Variants in SORL1 observed in about 807,000 individuals in gnomAD.
SORL1 encodes sortilin related receptor 1, also known as sortilin-related receptor.
A neutral mutation model predicts 273.7 loss-of-function variants in SORL1; 127 were observed. That is an observed-to-expected ratio of 0.46 (90% confidence interval 0.40 to 0.54). The LOEUF (loss-of-function observed/expected upper bound fraction) is 0.54, where lower values mean the gene tolerates loss of function less well. Among genes scored for constraint, SORL1 ranks in the 20% least tolerant of loss-of-function variants. The pLI is 0.00. For synonymous variants in SORL1, 1,031 were observed against 1,067.4 expected, an observed-to-expected ratio of 0.97 and a Z score of 0.66; for missense variants, 2,494 against 2,846.1, an observed-to-expected ratio of 0.88 and a Z score of 2.81.
chr11:121,543,071 G>T (rs184688558), intron 12 of SORL1, among the ~76,000 whole-genome samples: 2 of 149,872 alleles, frequency 1.3e-5, no homozygotes, highest in Non-Finnish European at 3.0e-5. Flanking sequence ...GGCACCTATA[G>T]TCCCAGCTAC....
chr11:121,624,003 C>T (rs1863759514), intron 45 of SORL1, among the ~76,000 whole-genome samples: 1 of 152,176 alleles, frequency 6.6e-6, no homozygotes. Flanking sequence ...TACATGGCGG[C>T]AGACAAAGAG....
intron 11 of SORL1, among the ~76,000 whole-genome samples, chr11:121,529,545 C>T (rs185595274): frequency 1.6e-4 from 25 of 152,140 alleles, no homozygotes; most frequent in African/African-American, 3.6e-4. Context: ...AACATCCATT[C>T]GCTTTCAACC....
At chr11:121,624,723 T>C (rs537559227) in intron 45 of SORL1, among the ~76,000 whole-genome samples, 1 of 152,360 alleles carries the variant, frequency 6.6e-6, no homozygotes, top group East Asian at 1.9e-4. Flanking sequence ...AATTCCATTA[T>C]GGCAAACTGT....
chr11:121,619,052 C>G (rs537692040), intron 42 of SORL1, among the ~76,000 whole-genome samples, 159 bp downstream of exon 42: 1 of 152,266 alleles, frequency 6.6e-6, no homozygotes, highest in East Asian at 1.9e-4. Context: ...CAGGTTCTTG[C>G]TTGAAATACA....
intron 46 of SORL1, among the ~76,000 whole-genome samples, chr11:121,625,702 C>T (rs766780865): frequency 6.6e-6 from 1 of 152,064 alleles, no homozygotes; most frequent in Non-Finnish European, 1.5e-5. Flanking sequence ...ACACCTCTGC[C>T]CCGCCCCGGC....
At chr11:121,553,884 C>A (rs1448662444) in intron 16 of SORL1, 53 bp from the exon 17 acceptor site, 73 of 1,552,276 alleles carry the variant, frequency 4.7e-5, no homozygotes, top group Non-Finnish European at 5.9e-5. Context: ...TGTGCTAGGA[C>A]CTCTTCAGCA....
At chr11:121,600,818 T>G (rs1863377083) in intron 32 of SORL1, among the ~76,000 whole-genome samples, 1 of 152,266 alleles carries the variant, frequency 6.6e-6, no homozygotes, top group African/African-American at 2.4e-5. Flanking sequence ...AATCATCGGT[T>G]AATTATCAGT....
chr11:121,487,356 C>T (rs774977133), intron 3 of SORL1, among the ~76,000 whole-genome samples: 2 of 152,204 alleles, frequency 1.3e-5, no homozygotes, highest in Non-Finnish European at 2.9e-5. Flanking sequence ...TCAGCCGCAG[C>T]CACTATCCAG....
At chr11:121,615,527 CT>C (rs1331288180) in intron 41 of SORL1, among the ~76,000 whole-genome samples, 1 of 152,090 alleles carries the variant, frequency 6.6e-6, no homozygotes, top group Non-Finnish European at 1.5e-5. Flanking sequence ...TAATTTTTGT[CT>C]GTTACTCTTA....
chr11:121,524,200 G>A lies in SORL1; in HGVS notation c.1596+1211G>A, dbSNP rs143615262. On this transcript the variant is annotated intron_variant, in intron 11 of 47. Coordinates refer to ENST00000260197, the MANE Select transcript of SORL1 (RefSeq NM_003105.6). ...GATTAAGCAGCTGCTTTCCCCTTTC[G>A]TGGAGCTGGACGCTCCCTTTGAAAT... is the stretch of plus-strand genomic sequence containing the variant. Among the ~76,000 whole-genome samples the A allele has an allele frequency of 1.6e-3, 251 of 152,370 alleles. 1 individual carries two copies. Among genetic ancestry groups the A allele is most frequent in the African/African-American group, 5.9e-3 (245 of 41,586 alleles).
At chr11:121,558,558 A>G in intron 19 of SORL1, 33 bp from the exon 20 acceptor site, 1 of 1,611,586 alleles carries the variant, frequency 6.2e-7, no homozygotes, top group Non-Finnish European at 8.5e-7. Flanking sequence ...TCTAGTATTG[A>G]TGAGGTATGT....
chr11:121,594,182 C>T (rs1181172845), intron 31 of SORL1, among the ~76,000 whole-genome samples: 1 of 151,938 alleles, frequency 6.6e-6, no homozygotes, highest in Non-Finnish European at 1.5e-5. Context: ...CCCTTTGGCA[C>T]CAGTGTTTTA....
intron 6 of SORL1, among the ~76,000 whole-genome samples, chr11:121,510,276 A>G (rs1490393705): frequency 5.3e-5 from 8 of 152,224 alleles, no homozygotes. Context: ...GTTTAGAACT[A>G]TATTAGGTTG....
At chr11:121,514,090 A>G (rs1861916792) in intron 7 of SORL1, 62 bp from the exon 8 acceptor site, 1 of 1,533,162 alleles carries the variant, frequency 6.5e-7, no homozygotes, top group Non-Finnish European at 8.9e-7. Flanking sequence ...CCGTGTGTAT[A>G]GTAAAAGCCC....
intron 6 of SORL1, among the ~76,000 whole-genome samples, chr11:121,510,282 G>C (rs995999928): frequency 1.3e-5 from 2 of 152,202 alleles, no homozygotes; most frequent in Non-Finnish European, 2.9e-5. Context: ...AACTATATTA[G>C]GTTGCTGGTA....
rs769420059 is a variant in SORL1 at position 121,478,138 on chromosome 11, T to C, written c.423T>C (p.Tyr141=). The part of the protein sequence containing the change: ...KSSDVYVSYD[Y]GKSFKKISDK... Reference sequence around the variant, plus strand: ...TCCAGGTGTACGTGTCTTACGACTATGGAAAATCATTCAAGAAAATTTCAG... The same window carrying C: ...TCCAGGTGTACGTGTCTTACGACTACGGAAAATCATTCAAGAAAATTTCAG... The change falls in exon 3 of 48, where the codon TAT becomes TAC. Residue 141 remains tyrosine, a synonymous_variant. Transcript: ENST00000260197. 3.7e-6 allele frequency: 6 copies of C among 1,613,966 alleles called. No individual in the cohort carries two copies. The highest frequency in any genetic ancestry group is 1.7e-5 in the Admixed American group (1 of 60,018).
chr11:121,528,059 A>T (rs1862148039), intron 11 of SORL1, among the ~76,000 whole-genome samples: 1 of 151,972 alleles, frequency 6.6e-6, no homozygotes, highest in African/African-American at 2.4e-5. Flanking sequence ...TTCTTTTCTA[A>T]TGTAAGCATT....
rs534660954 is a variant in SORL1, at chr11:121,508,247, C to A, written c.940-4756C>A. Among the ~76,000 whole-genome samples, 8 of 152,250 alleles carry A rather than the reference C, an allele frequency of 5.3e-5. No homozygotes were observed. In the East Asian group the frequency reaches 1.2e-3, roughly 22 times the overall value. On this transcript the variant is annotated intron_variant, in intron 6 of 47. Transcript: ENST00000260197. ...GATTAGCTGGAGGTAAGAGACTAGA[C>A]CCCGTTCATTTCTTTCTTGAGCATA...
At position 121,513,112 on chromosome 11, in the gene SORL1, G is replaced by T; in HGVS notation, c.1041+8G>T. The T allele has an allele frequency of 6.3e-7, 1 of 1,587,214 alleles. No homozygotes were observed. Among genetic ancestry groups the T allele is most frequent in the South Asian group, 1.1e-5 (1 of 90,532 alleles). On this transcript the variant is annotated splice_region_variant and intron_variant, in intron 7 of 47. Transcript: ENST00000260197. ...ACAAGACATCCTATTAATGTGAGTG[G>T]GGTCTGCTTGAGGATGGGAAGAAGT... is the stretch of plus-strand genomic sequence containing the variant.
Sources: allele counts gnomAD v4.1 joint callset (sites outside exome capture counted in the v4.1 genomes callset), GRCh38; gene constraint gnomAD v4.1.1; transcripts MANE v1.5; gene names NCBI Gene and HGNC (gene_info 2026-07-23, HGNC 2026-07-21).